WT1: variants seen among roughly 807,000 people sequenced by gnomAD.
WT1 encodes the protein Wilms tumor protein.
WT1 carries 8 observed loss-of-function variants against 60.8 expected under a neutral mutation model. The ratio of observed to expected loss-of-function variants is 0.13; its 90% confidence interval spans 0.08 to 0.24. The LOEUF (loss-of-function observed/expected upper bound fraction) is 0.24. Ranked by LOEUF, WT1 falls within the 10% of genes least tolerant of loss-of-function variation. The probability of loss-of-function intolerance (pLI) is 1.00; values close to 1 mark genes in which losing one functional copy is unlikely to be tolerated. For synonymous variants in WT1, 312 were observed against 297.1 expected, an observed-to-expected ratio of 1.05 and a Z score of -0.52; for missense variants, 568 against 711.8, an observed-to-expected ratio of 0.80 and a Z score of 2.30.
rs5030264 is a variant in WT1 at position 32,399,348 on chromosome 11, C to T, written c.1113+600G>A. ...AGAACTGTACAACACAAAAAGTGAA[C>T]CCTAATGTAAACTATGGGCTTTAGT... On this transcript the variant is annotated intron_variant, in intron 6 of 9. Coordinates refer to ENST00000452863, the MANE Select transcript of WT1 (RefSeq NM_024426.6). Among the ~76,000 whole-genome samples the T allele has an allele frequency of 8.1e-3, 1,228 of 152,128 alleles. 16 individuals carry two copies. The highest frequency in any genetic ancestry group is 0.028 in the African/African-American group (1,167 of 41,472).
intron 5 of WT1, among the ~76,000 whole-genome samples, chr11:32,409,442 T>C (rs1852425844): frequency 6.6e-6 from 1 of 152,054 alleles, no homozygotes; most frequent in African/African-American, 2.4e-5. Flanking sequence ...AAATAACTCT[T>C]ATAAAGAAAG....
At chr11:32,397,190 G>A (rs1165118560) in intron 6 of WT1, among the ~76,000 whole-genome samples, 1 of 152,184 alleles carries the variant, frequency 6.6e-6, no homozygotes, top group Non-Finnish European at 1.5e-5. Flanking sequence ...CTCTTCTTGG[G>A]GTCAGGGAGT....
At chr11:32,393,977 C>T (rs892103869) in intron 7 of WT1, among the ~76,000 whole-genome samples, 1 of 152,218 alleles carries the variant, frequency 6.6e-6, no homozygotes, top group Non-Finnish European at 1.5e-5. Flanking sequence ...ACTGCAGCCT[C>T]GAAACCGTGG....
Position 32,435,463 on chromosome 11 carries a change from G to C in WT1, c.-103C>G. 1 of 1,427,248 alleles carries C rather than the reference G, an allele frequency of 7.0e-7. No individual in the cohort carries two copies. The highest frequency in any genetic ancestry group is 9.3e-7 in the Non-Finnish European group (1 of 1,071,870). 88.4% of individuals were successfully genotyped at this position (1,427,248 alleles called of 1,614,324 possible). ...TAGGTGGGAGGGAGGGCGGGAAGTG[G>C]GGGAGCGGACAGGCGGTCGGGTTGC... On this transcript the variant is annotated 5_prime_UTR_variant, in exon 1 of 10. Transcript: ENST00000452863.
chr11:32,430,488 GA>G, intron 1 of WT1: 4 of 1,506,576 alleles, frequency 2.7e-6, no homozygotes, highest in Non-Finnish European at 3.7e-6. Context: ...GAGAGAGAGA[GA>G]GACGAAATAG....
At chr11:32,396,203 G>C in intron 7 of WT1, 54 bp downstream of exon 7, 2 of 1,612,668 alleles carry the variant, frequency 1.2e-6, no homozygotes, top group Admixed American at 3.3e-5. Context: ...TGAGAGCCTG[G>C]AAAAGGAGCT....
At chr11:32,415,529 T>A (rs1352943503) in intron 5 of WT1, among the ~76,000 whole-genome samples, 1 of 152,156 alleles carries the variant, frequency 6.6e-6, no homozygotes, top group Admixed American at 6.5e-5. Flanking sequence ...ATGCCTGTAA[T>A]CCCAGCTACT....
intron 5 of WT1, among the ~76,000 whole-genome samples, chr11:32,406,765 T>C (rs1590356762): frequency 2.0e-5 from 3 of 152,270 alleles, no homozygotes; most frequent in Non-Finnish European, 4.4e-5. Flanking sequence ...TGCATAAAAA[T>C]GTATCCTGAG....
At chr11:32,430,837 C>T (rs1383902546) in intron 1 of WT1, 9 of 1,270,084 alleles carry the variant, frequency 7.1e-6, no homozygotes, top group Non-Finnish European at 7.9e-6. Flanking sequence ...AGGGAGGTCT[C>T]TTTTAATTAG....
intron 5 of WT1, among the ~76,000 whole-genome samples, chr11:32,410,272 A>T (rs1051103331): frequency 6.6e-6 from 1 of 152,194 alleles, no homozygotes; most frequent in Non-Finnish European, 1.5e-5. Flanking sequence ...GCAAACAAAC[A>T]TACAGATACT....
intron 5 of WT1, among the ~76,000 whole-genome samples, chr11:32,409,908 C>G (rs1403555270): frequency 6.6e-6 from 1 of 152,058 alleles, no homozygotes; most frequent in East Asian, 1.9e-4. Flanking sequence ...TTTTCCTCCT[C>G]TTTTTTTCCT....
intron 1 of WT1, among the ~76,000 whole-genome samples, chr11:32,432,464 C>A (rs1005959589): frequency 1.3e-5 from 2 of 152,232 alleles, no homozygotes; most frequent in South Asian, 2.1e-4. Flanking sequence ...CACATCCAAG[C>A]TGCCCAATGA....
Position 32,403,369 on chromosome 11 carries a change from T to C in WT1, c.1017-3325A>G, listed in dbSNP as rs756552882. Among the ~76,000 whole-genome samples the C allele has an allele frequency of 3.3e-5, 5 of 152,212 alleles. No homozygotes were observed. The South Asian group carries it at 1.0e-3, about 32-fold the overall frequency. On this transcript the variant is annotated intron_variant, in intron 5 of 9. Transcript: ENST00000452863. ...ACTCGGTCTGGGAACCATAGACTAA[T>C]AGAGATAGAAAGGATCCAGAAAGGC...
chr11:32,403,572 CTTTT>C (rs398055138), intron 5 of WT1, among the ~76,000 whole-genome samples: 11 of 128,742 alleles, frequency 8.5e-5, no homozygotes, highest in South Asian at 7.7e-4. Context: ...ATGAATATTA[CTTTT>C]TTTTTTTTTT....
chr11:32,420,732 A>T (rs1453585740), intron 3 of WT1, among the ~76,000 whole-genome samples: 2 of 152,226 alleles, frequency 1.3e-5, no homozygotes, highest in African/African-American at 4.8e-5. Context: ...GTGAAAGAGA[A>T]TATGCTCAAG....
chr11:32,408,514 T>TAAAAAAAAAAAAAAAA (rs58685266), intron 5 of WT1, among the ~76,000 whole-genome samples: 61 of 74,216 alleles, frequency 8.2e-4, no homozygotes, highest in Admixed American at 9.8e-4. Context: ...GACTACGTCT[T>TAAAAAAAAAAAAAAAA]AAAAAAAAAA....
rs1358408901 is a variant in WT1 at position 32,392,740 on chromosome 11, T to G, written c.1280A>C (p.Gln427Pro). 6.2e-6 allele frequency: 10 copies of G among 1,614,010 alleles called. No individual in the cohort carries two copies. Among genetic ancestry groups the G allele is most frequent in the Non-Finnish European group, 8.5e-6 (10 of 1,179,906 alleles). ...TCGTTCACAGTCCTTGAAGTCACAC[T>G]GGTATGGTTTCTCACCTTGGGGAAG... The change falls in exon 8 of 10, where the codon CAG (glutamine) becomes CCG (proline). Residue 427 changes from glutamine (Q) to proline (P), a missense_variant. Transcript: ENST00000452863.
intron 5 of WT1, chr11:32,400,265 T>G: frequency 1.6e-6 from 1 of 623,028 alleles, no homozygotes. Context: ...CATCCTCCGA[T>G]TCTCGTAGGC....
chr11:32,389,687 T>G (rs1392689936), intron 9 of WT1, among the ~76,000 whole-genome samples: 1 of 151,750 alleles, frequency 6.6e-6, no homozygotes, highest in Non-Finnish European at 1.5e-5. Flanking sequence ...CTGGATGGGC[T>G]GGATACTTTA....
Sources: allele counts gnomAD v4.1 joint callset (sites outside exome capture counted in the v4.1 genomes callset), GRCh38; gene constraint gnomAD v4.1.1; transcripts MANE v1.5; gene names NCBI Gene and HGNC (gene_info 2026-07-23, HGNC 2026-07-21).